Variants in PRKD1 observed in about 807,000 individuals in gnomAD.
PRKD1 encodes the protein serine/threonine-protein kinase D1.
Under a neutral mutation model 95.9 loss-of-function variants are expected in PRKD1, and 63 were observed. The ratio of observed to expected loss-of-function variants is 0.66; its 90% CI spans 0.54 to 0.81. The LOEUF (loss-of-function observed/expected upper bound fraction) is 0.81. PRKD1 is among the 30% of genes least tolerant of loss of function. The pLI is 0.00. For synonymous variants in PRKD1, 425 were observed against 423.1 expected, an observed-to-expected ratio of 1.00 and a Z score of -0.05; for missense variants, 1,048 against 1,165.3, an observed-to-expected ratio of 0.90 and a Z score of 1.47.
chr14:29,743,225 G>C (rs752821274), intron 1 of PRKD1, among the ~76,000 whole-genome samples: 289 of 152,224 alleles, frequency 1.9e-3, no homozygotes, highest in Non-Finnish European at 2.0e-3. Context: ...CCGGTAACTA[G>C]AGGTTCTCAA....
intron 2 of PRKD1, among the ~76,000 whole-genome samples, chr14:29,704,303 A>G (rs1225541671): frequency 6.6e-6 from 1 of 152,136 alleles, no homozygotes; most frequent in Non-Finnish European, 1.5e-5. Flanking sequence ...GGGCTACTCA[A>G]TTCCTATGGA....
Position 29,909,606 on chromosome 14 carries a change from G to T in PRKD1, c.264+17643C>A, listed in dbSNP as rs147625024. ...ACTCTGTATCTGGCTAATCTGGTGG[G>T]GACTTGGAGAACCTTTATGTCTAGC... On this transcript the variant is annotated intron_variant, in intron 1 of 17. Transcript: ENST00000331968. Among the ~76,000 whole-genome samples the T allele has an allele frequency of 8.4e-3, 1,282 of 152,256 alleles. 15 individuals carry two copies. Among genetic ancestry groups the T allele is most frequent in the African/African-American group, 0.029 (1,216 of 41,562 alleles).
At chr14:29,619,332 TTAAC>T (rs1879088430) in intron 13 of PRKD1, among the ~76,000 whole-genome samples, 1 of 152,150 alleles carries the variant, frequency 6.6e-6, no homozygotes, top group Non-Finnish European at 1.5e-5. Flanking sequence ...ATAATCCTTT[TTAAC>T]TAACTAACCA....
rs28565280 is a variant in PRKD1 at position 29,811,407 on chromosome 14, C to G, written c.265-85733G>C. The stretch of plus-strand genomic sequence containing the variant: ...AGAGGTGAGCTGGACATCTCCCTTC[C>G]CACACACAACTCTACTGCTCGAGCC... On this transcript the variant is annotated intron_variant, in intron 1 of 17. Coordinates refer to ENST00000331968, the MANE Select transcript of PRKD1 (RefSeq NM_002742.3). Among the ~76,000 whole-genome samples the G allele has an allele frequency of 1.7e-3, 258 of 152,296 alleles. 1 individual carries two copies. Among genetic ancestry groups the G allele is most frequent in the African/African-American group, 5.8e-3 (242 of 41,560 alleles).
At chr14:29,665,470 G>A (rs2139216822) in intron 3 of PRKD1, among the ~76,000 whole-genome samples, 1 of 151,984 alleles carries the variant, frequency 6.6e-6, no homozygotes, top group South Asian at 2.1e-4. Context: ...TTATAAATGA[G>A]AACATGTGGT....
intron 1 of PRKD1, among the ~76,000 whole-genome samples, chr14:29,902,852 A>T (rs1894365458): frequency 6.6e-6 from 1 of 152,196 alleles, no homozygotes; most frequent in Non-Finnish European, 1.5e-5. Context: ...ATAAAAAAAA[A>T]ATCATCTATC....
In PRKD1 at chr14:29,617,135, C is replaced by CT. The variant is rs553761727; in HGVS notation, c.1905+7016dup. Among the ~76,000 whole-genome samples, 18 of 152,216 alleles carry CT rather than the reference C, an allele frequency of 1.2e-4. No individual in the cohort carries two copies. In the South Asian group the frequency reaches 1.9e-3, roughly 16 times the overall value. On this transcript the variant is annotated intron_variant, in intron 13 of 17. Transcript: ENST00000331968. The stretch of plus-strand genomic sequence containing the variant: ...ATGTTGCTGCAAAGACATGATTTCC[C>CT]TTTTTTATGGCTGTATAGTATTCCA...
chr14:29,645,896 C>T (rs961496248), intron 4 of PRKD1, among the ~76,000 whole-genome samples: 4 of 152,106 alleles, frequency 2.6e-5, no homozygotes, highest in African/African-American at 9.7e-5. Flanking sequence ...ATCATCCTGT[C>T]TCCTCCAAAG....
intron 4 of PRKD1, among the ~76,000 whole-genome samples, chr14:29,641,344 C>A (rs1185548940): frequency 2.0e-5 from 3 of 152,196 alleles, no homozygotes; most frequent in African/African-American, 4.8e-5. Context: ...CTTATCACTA[C>A]CTTTTCTTAC....
At chr14:29,814,393 A>G (rs1890609773) in intron 1 of PRKD1, among the ~76,000 whole-genome samples, 1 of 152,208 alleles carries the variant, frequency 6.6e-6, no homozygotes, top group African/African-American at 2.4e-5. Flanking sequence ...CCAAGGCAGG[A>G]GCGCAGTGCT....
chr14:29,684,135 T>C (rs1566537446), intron 2 of PRKD1, among the ~76,000 whole-genome samples: 1 of 147,574 alleles, frequency 6.8e-6, no homozygotes, highest in Non-Finnish European at 1.5e-5. Flanking sequence ...TATTTTTTCT[T>C]TAGAATGGTT....
chr14:29,776,766 A>G (rs147070890), intron 1 of PRKD1, among the ~76,000 whole-genome samples: 1 of 152,344 alleles, frequency 6.6e-6, no homozygotes, highest in East Asian at 1.9e-4. Flanking sequence ...AAGGCACACC[A>G]ACATTCAAAT....
intron 1 of PRKD1, among the ~76,000 whole-genome samples, chr14:29,819,410 G>T (rs144636749): frequency 0.018 from 2,699 of 152,232 alleles, 74 homozygotes; most frequent in African/African-American, 0.061. Flanking sequence ...GCAAATGGGG[G>T]CCGGGCGCGG....
intron 1 of PRKD1, among the ~76,000 whole-genome samples, chr14:29,754,581 A>G (rs945273235): frequency 3.9e-5 from 6 of 152,056 alleles, no homozygotes; most frequent in Non-Finnish European, 5.9e-5. Context: ...CTATTAATCA[A>G]TCTGTTCTCT....
At chr14:29,691,717 G>A (rs983349181) in intron 2 of PRKD1, among the ~76,000 whole-genome samples, 1 of 152,078 alleles carries the variant, frequency 6.6e-6, no homozygotes, top group Admixed American at 6.5e-5. Flanking sequence ...CTCCTACTAG[G>A]GCTGGTGCTT....
chr14:29,819,984 T>G (rs114459901), intron 1 of PRKD1, among the ~76,000 whole-genome samples: 2,002 of 152,290 alleles, frequency 0.013, 41 homozygotes, highest in African/African-American at 0.041. Flanking sequence ...GTCACAGACA[T>G]TCAAGTCTCA....
intron 13 of PRKD1, among the ~76,000 whole-genome samples, chr14:29,605,284 G>A (rs1489396075): frequency 6.6e-6 from 1 of 152,104 alleles, no homozygotes; most frequent in Admixed American, 6.6e-5. Context: ...ACCAACTTCT[G>A]GATAAGGTGC....
At chr14:29,638,148 G>A (rs536352032) in intron 6 of PRKD1, 2 of 248,796 alleles carry the variant, frequency 8.0e-6, no homozygotes, top group African/African-American at 4.5e-5. Context: ...GAGGAAAAGA[G>A]ACTGAGAGCT....
intron 1 of PRKD1, among the ~76,000 whole-genome samples, chr14:29,778,980 AAC>A (rs1888905490): frequency 6.6e-6 from 1 of 152,242 alleles, no homozygotes; most frequent in Admixed American, 6.5e-5. Context: ...AGGCTGGCTC[AAC>A]ATATGCAAAT....
Sources: allele counts gnomAD v4.1 joint callset (sites outside exome capture counted in the v4.1 genomes callset), GRCh38; gene constraint gnomAD v4.1.1; transcripts MANE v1.5; gene names NCBI Gene and HGNC (gene_info 2026-07-23, HGNC 2026-07-21).